The following SLC12A3 variants were observed in gnomAD, a reference collection of about 807,000 sequenced individuals.
SLC12A3 encodes solute carrier family 12 member 3.
SLC12A3 carries 104 observed loss-of-function variants against 121.0 expected under a neutral mutation model. The observed-to-expected ratio is 0.86, with a 90% CI of 0.73 to 1.01. SLC12A3 has a LOEUF of 1.01. Ranked by LOEUF, SLC12A3 falls within the 50% of genes least tolerant of loss-of-function variation. The probability of loss-of-function intolerance (pLI) is 0.00; values close to 1 mark genes in which losing one functional copy is unlikely to be tolerated. For synonymous variants in SLC12A3, 536 were observed against 533.4 expected (o/e 1.00, Z -0.07); for missense variants, 1,328 against 1,356.3 (o/e 0.98, Z 0.33).
chr16:56,871,096 A>T (rs1461844604), intron 6 of SLC12A3, among the ~76,000 whole-genome samples: 1 of 152,004 alleles, frequency 6.6e-6, no homozygotes, highest in Non-Finnish European at 1.5e-5. Context: ...TGGCCTCCCA[A>T]AGTGCTGGGA....
At chr16:56,892,876 G>A (rs1004234623) in intron 20 of SLC12A3, 77 bp from the exon 21 acceptor site, 39 of 1,178,688 alleles carry the variant, frequency 3.3e-5, no homozygotes, top group Non-Finnish European at 4.4e-5. Flanking sequence ...CAGAAGGGGC[G>A]TTGGCGGGGC....
chr16:56,886,473 A>G lies in SLC12A3; in HGVS notation c.2035A>G (p.Ile679Val). 1 of 1,612,596 alleles carries G rather than the reference A, an allele frequency of 6.2e-7. No homozygotes were observed. The highest frequency in any genetic ancestry group is 8.5e-7 in the Non-Finnish European group (1 of 1,178,856). Residue 679 changes from isoleucine to valine, a missense_variant and splice_region_variant, in exon 16 of 26, where the codon ATC becomes GTC. Physicochemically the swap from Ile to Val is conservative, Grantham distance 29. Transcript: ENST00000563236. ...LSLMICGHVL[I>V]GPHKQRMPEL... ...CCTGATGATCTGTGGCCACGTGCTC[A>G]TCGTGAGTGGCCCCTGGAGGGGCAC...
chr16:56,880,169 T>A lies in SLC12A3; in HGVS notation c.1483T>A (p.Phe495Ile). ...CCAGCTGTACCCACTGATCGGCTTC[T>A]TCGGCAAAGGCTATGGCAAGAACAA... ...EDQLYPLIGF[F>I]GKGYGKNKEP... is the part of the protein sequence containing the mutation. The change falls in exon 12 of 26, where the codon TTC becomes ATC. Residue 495 changes from phenylalanine (F) to isoleucine (I), a missense_variant. Physicochemically the swap from Phe to Ile is conservative, Grantham distance 21 (BLOSUM62 0). Transcript: ENST00000563236. 1 of 1,605,898 alleles carries A rather than the reference T, an allele frequency of 6.2e-7. No homozygotes were observed.
chr16:56,893,112 T>C lies in SLC12A3; in HGVS notation c.2521+58T>C, dbSNP rs911596022. 2.9e-6 allele frequency: 4 copies of C among 1,377,258 alleles called. No individual in the cohort carries two copies. In the Middle Eastern group the frequency reaches 7.1e-4, roughly 244 times the overall value. The allele number at this position is 1,377,258 out of a possible 1,614,324, so 85.3% of individuals were successfully genotyped here. A position where few individuals can be genotyped will look rare whatever the true frequency, so the allele number is the denominator to read the frequency against. On this transcript the variant is annotated intron_variant, in intron 21 of 25. Coordinates refer to ENST00000563236, the MANE Select transcript of SLC12A3 (RefSeq NM_001126108.2). ...CGGCGGGGGCGGGGTGGTGGTGGTCTTCCTTCCTTCTCCTTCCTGGCCTGC... is the reference window on the plus strand; with the variant it reads ...CGGCGGGGGCGGGGTGGTGGTGGTCCTCCTTCCTTCTCCTTCCTGGCCTGC...
At chr16:56,867,913 G>A (rs760816460) in intron 2 of SLC12A3, among the ~76,000 whole-genome samples, 3 of 152,210 alleles carry the variant, frequency 2.0e-5, no homozygotes, top group Non-Finnish European at 4.4e-5. Context: ...TACATGGGGC[G>A]CTGGCTCACC....
chr16:56,886,103 C>G (rs1254280199), intron 15 of SLC12A3, among the ~76,000 whole-genome samples: 1 of 152,216 alleles, frequency 6.6e-6, no homozygotes, highest in Non-Finnish European at 1.5e-5. Flanking sequence ...CTGGGCTAGG[C>G]AGGGCAGGGG....
chr16:56,913,045 T>C (rs1238455603), intron 25 of SLC12A3, among the ~76,000 whole-genome samples: 3 of 152,118 alleles, frequency 2.0e-5, no homozygotes, highest in African/African-American at 7.2e-5. Context: ...CTAGATCCCA[T>C]AGGGCTTGTG....
At chr16:56,903,876 C>T (rs1596951878) in intron 24 of SLC12A3, among the ~76,000 whole-genome samples, 1 of 152,204 alleles carries the variant, frequency 6.6e-6, no homozygotes, top group East Asian at 1.9e-4. Context: ...CGAAGAAGAC[C>T]TTCCAATACT....
intron 23 of SLC12A3, among the ~76,000 whole-genome samples, chr16:56,901,795 C>T (rs537672953): frequency 3.3e-5 from 5 of 152,342 alleles, no homozygotes; most frequent in African/African-American, 1.2e-4. Context: ...CCTGCACTCA[C>T]CTTGCTCCAG....
intron 24 of SLC12A3, among the ~76,000 whole-genome samples, chr16:56,904,016 A>G (rs2055573439): frequency 6.6e-6 from 1 of 152,240 alleles, no homozygotes; most frequent in South Asian, 2.1e-4. Context: ...AGGTATCATC[A>G]TACCCATTTT....
rs760801549 is a variant in SLC12A3 at position 56,872,394 on chromosome 16, A to C, written c.896A>C (p.Asn299Thr). The change falls in exon 7 of 26, where the codon AAC (asparagine) becomes ACC (threonine). Residue 299 changes from asparagine to threonine, a missense_variant. By Grantham distance (65) the Asn-to-Thr change is moderately conservative. Transcript: ENST00000563236. ...FFLVIMVSFA[N>T]YLVGTLIPPS... is the part of the protein sequence containing the mutation. ...CTTGTCATCATGGTCTCCTTTGCCA[A>C]CTATTTAGTGGGGACGCTGATCCCC... 2 of 1,614,096 alleles carry C rather than the reference A, an allele frequency of 1.2e-6. No homozygotes were observed. The highest frequency in any genetic ancestry group is 1.1e-5 in the South Asian group (1 of 91,082).
At chr16:56,911,595 G>C (rs1196556223) in intron 25 of SLC12A3, among the ~76,000 whole-genome samples, 1 of 152,220 alleles carries the variant, frequency 6.6e-6, no homozygotes, top group Non-Finnish European at 1.5e-5. Flanking sequence ...AAAGTGCTGG[G>C]ATTACAGGTG....
intron 18 of SLC12A3, among the ~76,000 whole-genome samples, chr16:56,888,258 G>T (rs569254639): frequency 6.6e-6 from 1 of 152,194 alleles, no homozygotes; most frequent in African/African-American, 2.4e-5. Context: ...CAGCCTAGGC[G>T]AAAGAGCAAG....
At chr16:56,902,037 A>G (rs900644852) in intron 23 of SLC12A3, among the ~76,000 whole-genome samples, 2 of 152,118 alleles carry the variant, frequency 1.3e-5, no homozygotes, top group Non-Finnish European at 2.9e-5. Context: ...CTTGCTTATC[A>G]CCGTGGCTCT....
At position 56,889,682 on chromosome 16, in the gene SLC12A3, C is replaced by T. The variant is rs745329473; in HGVS notation, c.2286-592C>T. On this transcript the variant is annotated intron_variant, in intron 18 of 25. Coordinates refer to ENST00000563236, the MANE Select transcript of SLC12A3 (RefSeq NM_001126108.2). Reference sequence around the variant, plus strand: ...TAGAAATGGGGTTTTGCCATGTTGGCCAGGCTGGTCTCGAACTCCTGACCT... The same window carrying T: ...TAGAAATGGGGTTTTGCCATGTTGGTCAGGCTGGTCTCGAACTCCTGACCT... 3.3e-5 allele frequency among the ~76,000 whole-genome samples: 5 copies of T among 152,290 alleles called. No homozygotes were observed. The Middle Eastern group carries it at 0.014, about 414-fold the overall frequency.
intron 19 of SLC12A3, among the ~76,000 whole-genome samples, chr16:56,891,187 A>G (rs918304511): frequency 1.9e-4 from 29 of 151,862 alleles, no homozygotes; most frequent in African/African-American, 7.0e-4. Flanking sequence ...CAGCCTGGGT[A>G]ACATAGCAAG....
intron 8 of SLC12A3, 42 bp from the exon 9 acceptor site, chr16:56,878,035 T>TCCCTCC: frequency 8.7e-6 from 4 of 459,018 alleles, no homozygotes; most frequent in South Asian, 4.2e-5. Context: ...TCCCTCCCTC[T>TCCCTCC]CTCCCTCCCT....
At chr16:56,876,454 G>A (rs1240745177) in intron 8 of SLC12A3, among the ~76,000 whole-genome samples, 2 of 152,210 alleles carry the variant, frequency 1.3e-5, no homozygotes, top group African/African-American at 4.8e-5. Context: ...GCCGGGCAGG[G>A]CTGGCAGGTC....
In SLC12A3 at chr16:56,865,256, A is replaced by G. The variant is rs777943763; in HGVS notation, c.21A>G (p.Thr7=). The change falls in exon 1 of 26, where the codon ACA becomes ACG. Residue 7 remains threonine, a synonymous_variant. Coordinates refer to ENST00000563236, the MANE Select transcript of SLC12A3 (RefSeq NM_001126108.2). MAELPT[T]ETPGDATLCS... Reference sequence around the variant, plus strand: ...CGACAATGGCAGAACTGCCCACAACAGAGACGCCTGGGGACGCCACTTTGT... The same window carrying G: ...CGACAATGGCAGAACTGCCCACAACGGAGACGCCTGGGGACGCCACTTTGT... 1 of 1,613,776 alleles carries G rather than the reference A, an allele frequency of 6.2e-7. No homozygotes were observed. The highest frequency in any genetic ancestry group is 8.5e-7 in the Non-Finnish European group (1 of 1,180,014).
Sources: gnomAD v4.1 joint callset for allele counts (sites outside exome capture counted in the v4.1 genomes callset) on GRCh38, gnomAD v4.1.1 for gene constraint, MANE v1.5 for transcripts, NCBI Gene and HGNC (gene_info 2026-07-23, HGNC 2026-07-21) for gene names.